PACS1: variants seen among roughly 807,000 people sequenced by gnomAD.
The protein encoded by PACS1 is PACS-1.
PACS1 carries 24 observed loss-of-function variants against 115.0 expected under a neutral mutation model. The observed-to-expected ratio is 0.21, with a 90% CI of 0.15 to 0.29. PACS1 has a LOEUF of 0.29. PACS1 is among the 10% of genes least tolerant of loss of function. The pLI, the probability that PACS1 is intolerant of heterozygous loss-of-function variation, is 1.00. For missense variants in PACS1, 838 were observed against 1,251.2 expected, an observed-to-expected ratio of 0.67 and a Z score of 4.98; for synonymous variants, 453 against 504.5, an observed-to-expected ratio of 0.90 and a Z score of 1.37.
At chr11:66,104,997 G>C (rs1041139458) in intron 1 of PACS1, among the ~76,000 whole-genome samples, 1 of 152,130 alleles carries the variant, frequency 6.6e-6, no homozygotes, top group Non-Finnish European at 1.5e-5. Context: ...CACACATTTG[G>C]AGTTTCTTGG....
chr11:66,087,391 G>A (rs987159789), intron 1 of PACS1, among the ~76,000 whole-genome samples: 22 of 152,128 alleles, frequency 1.4e-4, no homozygotes, highest in Admixed American at 1.4e-3. Context: ...ACAGGCATGC[G>A]CTACCATGCC....
intron 2 of PACS1, among the ~76,000 whole-genome samples, chr11:66,203,091 T>C (rs1340198272): frequency 3.3e-5 from 5 of 152,264 alleles, no homozygotes; most frequent in East Asian, 1.9e-4. Context: ...GCAAATGATA[T>C]GCTCTTCTAT....
At chr11:66,173,377 T>C (rs1232942334) in intron 1 of PACS1, among the ~76,000 whole-genome samples, 1 of 152,204 alleles carries the variant, frequency 6.6e-6, no homozygotes, top group Non-Finnish European at 1.5e-5. Flanking sequence ...TAAAAGTCCA[T>C]TGTCAAATAA....
At position 66,216,724 on chromosome 11, in the gene PACS1, G is replaced by A. The variant is rs1855219508; in HGVS notation, c.927G>A (p.Arg309=). 6.2e-7 allele frequency: 1 copy of A among 1,614,016 alleles called. No individual in the cohort carries two copies. Among genetic ancestry groups the A allele is most frequent in the Non-Finnish European group, 8.5e-7 (1 of 1,179,992 alleles). ...TGTTCTACGAAGACGAAGATCTCCG[G>A]AAAGTGAAGAAGACCCGGAGGAAAC... ...QDLFYEDEDL[R]KVKKTRRKLT... Residue 309 remains arginine, a synonymous_variant, in exon 7 of 24, where the codon CGG becomes CGA. Transcript: ENST00000320580.
At chr11:66,116,306 C>T (rs559180421) in intron 1 of PACS1, among the ~76,000 whole-genome samples, 1 of 152,172 alleles carries the variant, frequency 6.6e-6, no homozygotes, top group Admixed American at 6.5e-5. Context: ...CTTCTTTGCC[C>T]TCAGTCGTTA....
At chr11:66,181,615 A>G (rs1448666874) in intron 1 of PACS1, among the ~76,000 whole-genome samples, 1 of 152,206 alleles carries the variant, frequency 6.6e-6, no homozygotes, top group Admixed American at 6.5e-5. Flanking sequence ...TGAGCTTATT[A>G]ATGTGATAAT....
At position 66,243,188 on chromosome 11, in the gene PACS1, A is replaced by G. The variant is rs1855850977; in HGVS notation, c.2800A>G (p.Ser934Gly). ...AGTGTCCATCGATGGGGTCGAGTGG[A>G]GTGACATCAAGTTCTTCCAGCTGGC... ...LRVSIDGVEW[S>G]DIKFFQLAAQ... The change falls in exon 24 of 24, where the codon AGT (serine) becomes GGT (glycine). Residue 934 changes from serine to glycine, a missense_variant. Ser to Gly is a moderately conservative substitution (Grantham distance 56). Coordinates refer to ENST00000320580, the MANE Select transcript of PACS1 (RefSeq NM_018026.4). 4 of 1,613,394 alleles carry G rather than the reference A, an allele frequency of 2.5e-6. No individual in the cohort carries two copies. The highest frequency in any genetic ancestry group is 3.4e-6 in the Non-Finnish European group (4 of 1,179,706).
Position 66,205,301 on chromosome 11 carries a change from T to C in PACS1, c.445-5061T>C, listed in dbSNP as rs1453358814. On this transcript the variant is annotated intron_variant, in intron 2 of 23. Transcript: ENST00000320580. ...CGCCCAGCCAAAACAATTATTTTAATTATAAAAATTTTTTTAATGTTTTAA... is the reference window on the plus strand; with the variant it reads ...CGCCCAGCCAAAACAATTATTTTAACTATAAAAATTTTTTTAATGTTTTAA... 4.6e-5 allele frequency among the ~76,000 whole-genome samples: 7 copies of C among 151,914 alleles called. No homozygotes were observed. The South Asian group carries it at 6.2e-4, about 13-fold the overall frequency.
At chr11:66,076,324 G>GGGC (rs1390774727) in intron 1 of PACS1, among the ~76,000 whole-genome samples, 4 of 152,236 alleles carry the variant, frequency 2.6e-5, no homozygotes, top group African/African-American at 7.2e-5. Flanking sequence ...GCTGGAATGA[G>GGGC]GGCGGGTACG....
intron 1 of PACS1, among the ~76,000 whole-genome samples, chr11:66,181,075 G>A (rs1301896355): frequency 2.0e-5 from 3 of 151,704 alleles, no homozygotes; most frequent in Non-Finnish European, 2.9e-5. Flanking sequence ...GGAATGTTCT[G>A]GTCTCTCATT....
At chr11:66,141,678 G>A (rs1367112185) in intron 1 of PACS1, among the ~76,000 whole-genome samples, 1 of 150,858 alleles carries the variant, frequency 6.6e-6, no homozygotes, top group Non-Finnish European at 1.5e-5. Flanking sequence ...AATGCTCATT[G>A]TAACCTCAGA....
intron 1 of PACS1, among the ~76,000 whole-genome samples, chr11:66,132,667 C>G (rs1378189372): frequency 6.6e-6 from 1 of 151,946 alleles, no homozygotes; most frequent in Non-Finnish European, 1.5e-5. Flanking sequence ...CCTAAATATA[C>G]ATATAGGTAC....
chr11:66,122,320 G>A (rs1484968057), intron 1 of PACS1, among the ~76,000 whole-genome samples: 1 of 152,160 alleles, frequency 6.6e-6, no homozygotes, highest in East Asian at 1.9e-4. Flanking sequence ...CATTGACAGT[G>A]CACCTGGTCA....
intron 2 of PACS1, among the ~76,000 whole-genome samples, chr11:66,209,593 G>A (rs1855023576): frequency 6.6e-6 from 1 of 152,088 alleles, no homozygotes; most frequent in Non-Finnish European, 1.5e-5. Context: ...GTACAATAAA[G>A]ACTCATGAAA....
chr11:66,089,478 TC>T (rs1857621971), intron 1 of PACS1, among the ~76,000 whole-genome samples: 1 of 152,192 alleles, frequency 6.6e-6, no homozygotes, highest in Non-Finnish European at 1.5e-5. Context: ...TTTACAGACT[TC>T]TGCTTACAAG....
At chr11:66,156,689 C>T (rs1859369911) in intron 1 of PACS1, among the ~76,000 whole-genome samples, 1 of 151,942 alleles carries the variant, frequency 6.6e-6, no homozygotes. Flanking sequence ...CCTGTTTCTA[C>T]TAAAGATACA....
At chr11:66,159,450 GA>G (rs1859438926) in intron 1 of PACS1, among the ~76,000 whole-genome samples, 1 of 150,868 alleles carries the variant, frequency 6.6e-6, no homozygotes, top group Non-Finnish European at 1.5e-5. Flanking sequence ...AAAAAAAAAA[GA>G]AATATTGAGT....
chr11:66,114,287 G>A (rs7932272), intron 1 of PACS1, among the ~76,000 whole-genome samples: 8,615 of 151,910 alleles, frequency 0.057, 384 homozygotes, highest in Non-Finnish European at 0.077. Context: ...GAGTAGTGGC[G>A]GACGCCTATA....
At chr11:66,226,636 G>A (rs1167576658) in intron 10 of PACS1, among the ~76,000 whole-genome samples, 2 of 152,196 alleles carry the variant, frequency 1.3e-5, no homozygotes, top group Non-Finnish European at 2.9e-5. Context: ...TTTACTAGGT[G>A]ACCCTGAACT....
Sources: gnomAD v4.1 joint callset for allele counts (sites outside exome capture counted in the v4.1 genomes callset) on GRCh38, gnomAD v4.1.1 for gene constraint, MANE v1.5 for transcripts, NCBI Gene and HGNC (gene_info 2026-07-23, HGNC 2026-07-21) for gene names.